NFX1: variants seen among roughly 807,000 people sequenced by gnomAD.
The protein encoded by NFX1 is transcriptional repressor NF-X1.
In NFX1, 69 loss-of-function variants were observed where a neutral mutation model predicts 137.2. The observed-to-expected ratio is 0.50, with a 90% CI of 0.41 to 0.61. The LOEUF is 0.61. Ranked by LOEUF, NFX1 falls within the 20% of genes least tolerant of loss-of-function variation. The probability of loss-of-function intolerance (pLI) is 0.00; values close to 1 mark genes in which losing one functional copy is unlikely to be tolerated. For synonymous variants in NFX1, 495 were observed against 474.1 expected, an observed-to-expected ratio of 1.04 and a Z score of -0.57; for missense variants, 1,167 against 1,391.0, an observed-to-expected ratio of 0.84 and a Z score of 2.56.
chr9:33,338,733 C>A (rs1331038395), intron 12 of NFX1, 144 bp downstream of exon 12: 5 of 666,778 alleles, frequency 7.5e-6, no homozygotes, highest in Non-Finnish European at 1.3e-5. Flanking sequence ...TCTCATAGTC[C>A]CCATAACCTC....
rs200748278 is a variant in NFX1 at position 33,328,692 on chromosome 9, A to G, written c.2004+14A>G. On this transcript the variant is annotated intron_variant, in intron 10 of 23. Coordinates refer to ENST00000379540, the MANE Select transcript of NFX1 (RefSeq NM_002504.6). The stretch of plus-strand genomic sequence containing the variant: ...TTCAGAACAAAGGTAAATCCTAAAC[A>G]ATGCTAGAGTTGTTGCCATCAATGT... 24 of 1,585,566 alleles carry G rather than the reference A, an allele frequency of 1.5e-5. No homozygotes were observed. The East Asian group carries it at 4.7e-4, about 31-fold the overall frequency.
intron 5 of NFX1, among the ~76,000 whole-genome samples, chr9:33,308,355 T>G (rs1476658033): frequency 3.9e-4 from 59 of 152,112 alleles, no homozygotes; most frequent in Non-Finnish European, 1.5e-5. Flanking sequence ...GCAAGGAGGA[T>G]CATTTGAGTC....
At chr9:33,316,096 C>G (rs1822152966) in intron 7 of NFX1, among the ~76,000 whole-genome samples, 1 of 152,144 alleles carries the variant, frequency 6.6e-6, no homozygotes, top group African/African-American at 2.4e-5. Context: ...TTCAAGGCTT[C>G]CATCACCTAT....
In NFX1 at chr9:33,301,334, G is replaced by A; in HGVS notation, c.1105G>A (p.Ala369Thr). ...GTGCTGTGAATTGGTTCGTGTCACG[G>A]CCCCAGTGTGGAGTTGTCAGAGCTG... ...MVCCELVRVT[A>T]PVWSCQSCYH... Residue 369 changes from alanine to threonine, a missense_variant, in exon 3 of 24, where the codon GCC becomes ACC. Ala to Thr is a moderately conservative substitution (Grantham distance 58). Around this residue, in one of 3 missense-constraint regions of NFX1, gnomAD observed 488 missense variants for 691.5 expected, o/e 0.71. Transcript: ENST00000379540. The A allele has an allele frequency of 6.2e-7, 1 of 1,614,126 alleles. No homozygotes were observed. The highest frequency in any genetic ancestry group is 8.5e-7 in the Non-Finnish European group (1 of 1,180,020).
chr9:33,354,278 G>A lies in NFX1; in HGVS notation c.2831+91G>A, dbSNP rs567345370. ...TATTCATTTATCTCAATCCTTCATA[G>A]TAGAGCCTTGCATACACAATAAGTA... On this transcript the variant is annotated intron_variant, in intron 18 of 23. Transcript: ENST00000379540. 1.2e-3 allele frequency: 1,197 copies of A among 1,020,928 alleles called. 4 individuals carry two copies. The highest frequency in any genetic ancestry group is 1.4e-3 in the Non-Finnish European group (965 of 690,534). 63.2% of individuals were successfully genotyped at this position (1,020,928 alleles called of 1,614,324 possible).
At chr9:33,332,906 C>T (rs950200294) in intron 11 of NFX1, among the ~76,000 whole-genome samples, 4 of 152,188 alleles carry the variant, frequency 2.6e-5, no homozygotes, top group Admixed American at 6.5e-5. Context: ...AGTGCAGTGG[C>T]GCGATCTCGG....
At chr9:33,332,794 G>T in intron 11 of NFX1, 2 of 316,170 alleles carry the variant, frequency 6.3e-6, no homozygotes, top group Non-Finnish European at 1.2e-5. Flanking sequence ...ATATGTTAAT[G>T]GTAGAATCTA....
intron 7 of NFX1, among the ~76,000 whole-genome samples, chr9:33,317,419 C>CAAAAA (rs761378780): frequency 0.054 from 2,889 of 53,748 alleles, 178 homozygotes; most frequent in African/African-American, 0.18. Flanking sequence ...GCCCTGTCTC[C>CAAAAA]AAAAAAAAAA....
intron 7 of NFX1, among the ~76,000 whole-genome samples, chr9:33,315,689 C>T (rs986587117): frequency 1.4e-4 from 21 of 150,936 alleles, no homozygotes; most frequent in African/African-American, 5.1e-4. Context: ...GAGTTTGAGA[C>T]CAGCCTGGGC....
At chr9:33,357,772 C>A (rs1048046413) in intron 19 of NFX1, among the ~76,000 whole-genome samples, 2 of 148,398 alleles carry the variant, frequency 1.3e-5, no homozygotes, top group African/African-American at 5.0e-5. Flanking sequence ...TCTCAAACTT[C>A]TGGCTCAAGC....
At chr9:33,329,347 T>G (rs1822714449) in intron 10 of NFX1, among the ~76,000 whole-genome samples, 1 of 152,160 alleles carries the variant, frequency 6.6e-6, no homozygotes, top group African/African-American at 2.4e-5. Flanking sequence ...GTGGCTAATC[T>G]CAGTCTCCAG....
At chr9:33,296,297 C>T (rs1047079002) in intron 2 of NFX1, among the ~76,000 whole-genome samples, 2 of 152,220 alleles carry the variant, frequency 1.3e-5, no homozygotes, top group Non-Finnish European at 2.9e-5. Context: ...ACAGTCCCAT[C>T]TTCTGCTGCC....
intron 3 of NFX1, among the ~76,000 whole-genome samples, chr9:33,302,813 G>A (rs1175272755): frequency 6.6e-6 from 1 of 151,842 alleles, no homozygotes; most frequent in Non-Finnish European, 1.5e-5. Context: ...GGGATTACAG[G>A]CGCGCACCAC....
In NFX1 at chr9:33,294,519, G is replaced by A. The variant is rs1044954676; in HGVS notation, c.125G>A (p.Arg42Lys). ...CGTQRRLDSN[R>K]IGRRNYSSPP... is the part of the protein sequence containing the mutation. ...ACTCAAAGGAGACTAGACTCTAATA[G>A]GATTGGTAGAAGAAATTACAGTTCA... The change falls in exon 2 of 24, where the codon AGG becomes AAG. Residue 42 changes from arginine (R) to lysine (K), a missense_variant. Physicochemically the swap from Arg to Lys is conservative, Grantham distance 26. Transcript: ENST00000379540. 6 of 1,614,006 alleles carry A rather than the reference G, an allele frequency of 3.7e-6. No individual in the cohort carries two copies. The South Asian group carries it at 5.5e-5, about 15-fold the overall frequency.
At position 33,328,597 on chromosome 9, in the gene NFX1, T is replaced by C; in HGVS notation, c.1923T>C (p.Cys641=). 6.2e-7 allele frequency: 1 copy of C among 1,610,844 alleles called. No homozygotes were observed. Among genetic ancestry groups the C allele is most frequent in the Non-Finnish European group, 8.5e-7 (1 of 1,177,326 alleles). The change falls in exon 10 of 24, where the codon TGT becomes TGC. Residue 641 remains cysteine, a synonymous_variant. Coordinates refer to ENST00000379540, the MANE Select transcript of NFX1 (RefSeq NM_002504.6). ...TTATTAAAGATTTCATTCATACCTG[T>C]GAAAAGCTCTGCCATGAAGGAGACT... The part of the protein sequence containing the change: ...PCGSLDFIHT[C]EKLCHEGDCG...
chr9:33,356,828 AAAAT>A (rs1315091023), intron 19 of NFX1, among the ~76,000 whole-genome samples: 3 of 152,076 alleles, frequency 2.0e-5, no homozygotes. Context: ...ATCTGTACAA[AAAAT>A]AAAATAAAAT....
intron 10 of NFX1, 35 bp from the exon 11 acceptor site, chr9:33,332,437 T>C: frequency 6.3e-7 from 1 of 1,576,268 alleles, no homozygotes. Flanking sequence ...TAGTTATTCC[T>C]AAAGTAGTTA....
intron 19 of NFX1, among the ~76,000 whole-genome samples, chr9:33,357,720 T>C (rs1823858724): frequency 6.6e-6 from 1 of 151,634 alleles, no homozygotes; most frequent in South Asian, 2.1e-4. Flanking sequence ...TTTTTTTTTT[T>C]TCTTTTGTAA....
At chr9:33,341,801 G>C (rs1293896174) in intron 12 of NFX1, among the ~76,000 whole-genome samples, 6 of 150,284 alleles carry the variant, frequency 4.0e-5, no homozygotes, top group Non-Finnish European at 8.8e-5. Context: ...TCATAACCCG[G>C]TCTCTAAATA....
Sources: allele counts gnomAD v4.1 joint callset (sites outside exome capture counted in the v4.1 genomes callset), GRCh38; gene constraint gnomAD v4.1.1; regional missense constraint gnomAD v4.1.1; transcripts MANE v1.5; gene names NCBI Gene and HGNC (gene_info 2026-07-23, HGNC 2026-07-21).